The following FCRL1 variants were observed in gnomAD, a reference collection of about 807,000 sequenced individuals.
FCRL1 encodes the protein Fc receptor-like protein 1.
Under a neutral mutation model 49.2 loss-of-function variants are expected in FCRL1, and 34 were observed. The observed-to-expected ratio is 0.69, with a 90% CI of 0.53 to 0.92. The LOEUF is 0.92. FCRL1 is among the 40% of genes least tolerant of loss of function. The pLI, the probability that FCRL1 is intolerant of heterozygous loss-of-function variation, is 0.00. For synonymous variants in FCRL1, 218 were observed against 201.6 expected (o/e 1.08, Z -0.69); for missense variants, 524 against 524.1 (o/e 1.00, Z 0.00).
chr1:157,813,208 G>A (rs1245054662), intron 1 of FCRL1, among the ~76,000 whole-genome samples: 1 of 152,140 alleles, frequency 6.6e-6, no homozygotes, highest in African/African-American at 2.4e-5. Flanking sequence ...ACATGAAAAA[G>A]CGAGAAAACA....
intron 1 of FCRL1, among the ~76,000 whole-genome samples, chr1:157,808,585 G>A (rs1293437786): frequency 1.3e-5 from 2 of 152,178 alleles, no homozygotes; most frequent in Non-Finnish European, 2.9e-5. Flanking sequence ...TCCAGTCATG[G>A]GCACTTTATG....
chr1:157,798,273 C>T (rs1473258996), intron 7 of FCRL1, 30 bp from the exon 8 acceptor site: 1 of 1,545,584 alleles, frequency 6.5e-7, no homozygotes, highest in South Asian at 1.2e-5. Flanking sequence ...TGTTATTTAT[C>T]TGAAATTGCA....
In FCRL1 at chr1:157,796,256, C is replaced by A. The variant is rs560319901; in HGVS notation, c.1219-86G>T. ...CCTTCCCCAGTTAGCTTGGATGCAT[C>A]TTATCATGGCACATCACGCAATGCA... On this transcript the variant is annotated intron_variant, in intron 10 of 10. Transcript: ENST00000368176. 117 of 1,067,406 alleles carry A rather than the reference C, an allele frequency of 1.1e-4. 2 individuals carry two copies. In the South Asian group the frequency reaches 1.3e-3, roughly 11 times the overall value. The allele number at this position is 1,067,406 out of a possible 1,614,324, so 66.1% of individuals were successfully genotyped here.
intron 9 of FCRL1, chr1:157,797,622 T>C (rs1205942620): frequency 2.1e-6 from 2 of 938,094 alleles, no homozygotes; most frequent in Non-Finnish European, 3.2e-6. Context: ...ATTTTTGCTC[T>C]TTCTAAGTGA....
At chr1:157,814,713 G>T in intron 1 of FCRL1, among the ~76,000 whole-genome samples, 1 of 151,904 alleles carries the variant, frequency 6.6e-6, no homozygotes, top group South Asian at 2.1e-4. Context: ...ACTATATTCT[G>T]CCTACAAGAA....
intron 1 of FCRL1, among the ~76,000 whole-genome samples, chr1:157,814,905 TAACAATTTTAAACATATATACATCC>T (rs1654824303): frequency 6.6e-6 from 1 of 151,904 alleles, no homozygotes; most frequent in Non-Finnish European, 1.5e-5. Flanking sequence ...CAAGAAGATA[TAACAATTTTAAACATATATACATCC>T]AACACTAGAG....
At chr1:157,808,050 T>C (rs535771756) in intron 1 of FCRL1, among the ~76,000 whole-genome samples, 1 of 152,362 alleles carries the variant, frequency 6.6e-6, no homozygotes, top group East Asian at 1.9e-4. Context: ...AAATGTTTAC[T>C]TGAATAATTA....
At chr1:157,818,811 A>G (rs1203626554) in intron 1 of FCRL1, among the ~76,000 whole-genome samples, 1 of 152,236 alleles carries the variant, frequency 6.6e-6, no homozygotes, top group Non-Finnish European at 1.5e-5. Context: ...GAATTGTATT[A>G]TATGTGAATA....
At position 157,795,088 on chromosome 1, in the gene FCRL1, T is replaced by C. The variant is rs182247699; in HGVS notation, c.*1011A>G. The C allele has an allele frequency of 2.6e-5, 4 of 152,344 alleles. No individual in the cohort carries two copies. The East Asian group carries it at 7.7e-4, about 29-fold the overall frequency. 9.4% of individuals were successfully genotyped at this position (152,344 alleles called of 1,614,324 possible). ...TTTACTTTATATACCTCCAAATGTT[T>C]ATTAATTCATAAGAGTGAGTGCCTG... On this transcript the variant is annotated 3_prime_UTR_variant, in exon 11 of 11. Coordinates refer to ENST00000368176, the MANE Select transcript of FCRL1 (RefSeq NM_052938.5).
Position 157,796,136 on chromosome 1 carries a change from G to T in FCRL1, c.1253C>A (p.Ala418Glu). 1 of 1,614,008 alleles carries T rather than the reference G, an allele frequency of 6.2e-7. No homozygotes were observed. Residue 418 changes from alanine (A) to glutamate (E), a missense_variant, in exon 11 of 11, where the codon GCA (alanine) becomes GAA (glutamate). Physicochemically the swap from Ala to Glu is moderately radical, Grantham distance 107. Transcript: ENST00000368176. ...TTCATAGTCCACATCTGTAATGTTT[G>T]CTTTCCTCAGCCTGGAATAGATGTC... The part of the protein sequence containing the change: ...SLDIYSRLRK[A>E]NITDVDYEDA...
chr1:157,811,474 T>C (rs975654899), intron 1 of FCRL1, among the ~76,000 whole-genome samples: 1 of 152,106 alleles, frequency 6.6e-6, no homozygotes, highest in Non-Finnish European at 1.5e-5. Flanking sequence ...GGTAAAGAAG[T>C]CCCCAGAAGC....
chr1:157,804,090 G>A lies in FCRL1; in HGVS notation c.74C>T (p.Pro25Leu), dbSNP rs201407162. ...TGGGCTCCCCTCTGTGGGATGGGAG[G>A]GGCTGGCTATCAAAAACAGCTCTAG... ...EPAELFLIAS[P>L]SHPTEGSPVT... Residue 25 changes from proline (P) to leucine (L), a missense_variant, in exon 3 of 11, where the codon CCC becomes CTC. Coordinates refer to ENST00000368176, the MANE Select transcript of FCRL1 (RefSeq NM_052938.5). 3.7e-6 allele frequency: 6 copies of A among 1,614,142 alleles called. No homozygotes were observed. In the African/African-American group the frequency reaches 8.0e-5, roughly 22 times the overall value.
At position 157,798,247 on chromosome 1, in the gene FCRL1, C is replaced by A. The variant is rs368656093; in HGVS notation, c.1032-4G>T. The A allele has an allele frequency of 4.6e-5, 74 of 1,604,440 alleles. No homozygotes were observed. Among genetic ancestry groups the A allele is most frequent in the Non-Finnish European group, 6.0e-5 (70 of 1,174,796 alleles). On this transcript the variant is annotated splice_polypyrimidine_tract_variant and splice_region_variant and intron_variant, in intron 7 of 10. Transcript: ENST00000368176. ...GGGTAGAGGGCTGGGAAGGCTCCTG[C>A]AAACACAGAGACACATGTTATTTAT... is the stretch of plus-strand genomic sequence containing the variant.
chr1:157,812,682 A>G (rs1654491335), intron 1 of FCRL1, among the ~76,000 whole-genome samples: 1 of 151,972 alleles, frequency 6.6e-6, no homozygotes. Context: ...GTCCATCTAT[A>G]CCTAAGACAA....
intron 3 of FCRL1, 119 bp downstream of exon 3, chr1:157,803,725 CA>C (rs1652912625): frequency 3.1e-6 from 4 of 1,286,914 alleles, no homozygotes; most frequent in Non-Finnish European, 4.3e-6. Context: ...GAGAGAAACT[CA>C]GGAATATCTT....
chr1:157,799,051 AG>A (rs1352481806), intron 7 of FCRL1, among the ~76,000 whole-genome samples: 2 of 152,168 alleles, frequency 1.3e-5, no homozygotes, highest in African/African-American at 4.8e-5. Context: ...CCCAGGCTTA[AG>A]TGCAGTGGTG....
At position 157,797,123 on chromosome 1, in the gene FCRL1, A is replaced by T; in HGVS notation, c.1196T>A (p.Leu399Gln). 1 of 1,614,028 alleles carries T rather than the reference A, an allele frequency of 6.2e-7. No individual in the cohort carries two copies. The highest frequency in any genetic ancestry group is 8.5e-7 in the Non-Finnish European group (1 of 1,179,878). ...TACCTTGTCCTCCATATGTGTCCCC[A>T]GGGTTTCTGCTGTGGAGAAAAGACA... ...PEQESVAAET[L>Q]GTHMEDKVSL... The change falls in exon 10 of 11, where the codon CTG (leucine) becomes CAG (glutamine). Residue 399 changes from leucine (L) to glutamine (Q), a missense_variant. Leu to Gln is a moderately radical substitution (Grantham distance 113). Transcript: ENST00000368176.
chr1:157,815,964 G>A (rs1654967051), intron 1 of FCRL1, among the ~76,000 whole-genome samples: 2 of 151,848 alleles, frequency 1.3e-5, no homozygotes, highest in South Asian at 4.1e-4. Context: ...GTAATAAAAA[G>A]TCTTCCATCA....
At chr1:157,808,878 G>C (rs1258550710) in intron 1 of FCRL1, among the ~76,000 whole-genome samples, 1 of 140,888 alleles carries the variant, frequency 7.1e-6, no homozygotes, top group African/African-American at 2.8e-5. Context: ...GAGAGAGAGG[G>C]GAATTAAGTA....
Sources: allele counts gnomAD v4.1 joint callset (sites outside exome capture counted in the v4.1 genomes callset), GRCh38; gene constraint gnomAD v4.1.1; transcripts MANE v1.5; gene names NCBI Gene and HGNC (gene_info 2026-07-23, HGNC 2026-07-21).